The following BRINP1 variants were observed in gnomAD, a reference collection of about 807,000 sequenced individuals.
The protein encoded by BRINP1 is BMP/retinoic acid-inducible neural-specific protein 1.
In BRINP1, 17 loss-of-function variants were observed where a neutral mutation model predicts 72.9. That is an observed-to-expected ratio of 0.23 (90% CI 0.16 to 0.35). The LOEUF (loss-of-function observed/expected upper bound fraction) is 0.35, where lower values mean the gene tolerates loss of function less well. Ranked by LOEUF, BRINP1 falls within the 10% of genes least tolerant of loss-of-function variation. The pLI is 1.00. For synonymous variants in BRINP1, 418 were observed against 378.5 expected (o/e 1.10, Z -1.21); for missense variants, 850 against 1,001.6 (o/e 0.85, Z 2.04).
rs566675560 is a variant in BRINP1, at chr9:119,169,789, C to G, written c.1146-1565G>C. 3.7e-3 allele frequency among the ~76,000 whole-genome samples: 570 copies of G among 152,120 alleles called. 5 individuals are homozygous for G. Among genetic ancestry groups the G allele is most frequent in the African/African-American group, 0.013 (519 of 41,498 alleles). On this transcript the variant is annotated intron_variant, in intron 7 of 7. Transcript: ENST00000265922. Reference sequence around the variant, plus strand: ...CAGCATGCAGCTGGAGATCTGAGAACGGGCAGACTGCCTCCTCAAGTGGGT... The same window carrying G: ...CAGCATGCAGCTGGAGATCTGAGAAGGGGCAGACTGCCTCCTCAAGTGGGT...
At chr9:119,241,761 G>C (rs1262605352) in intron 4 of BRINP1, among the ~76,000 whole-genome samples, 1 of 152,180 alleles carries the variant, frequency 6.6e-6, no homozygotes, top group African/African-American at 2.4e-5. Context: ...AAGGGGATCT[G>C]ATAATCTCCA....
At chr9:119,294,637 G>A (rs1172205428) in intron 2 of BRINP1, among the ~76,000 whole-genome samples, 1 of 152,086 alleles carries the variant, frequency 6.6e-6, no homozygotes, top group Non-Finnish European at 1.5e-5. Flanking sequence ...AGGCTGAGAT[G>A]GGCAGATCAC....
chr9:119,311,919 C>G (rs1831073029), intron 2 of BRINP1, among the ~76,000 whole-genome samples: 1 of 152,160 alleles, frequency 6.6e-6, no homozygotes, highest in Admixed American at 6.5e-5. Context: ...AGCTCCACTC[C>G]TTACTGGATG....
intron 1 of BRINP1, among the ~76,000 whole-genome samples, chr9:119,367,581 C>G (rs1292511507): frequency 6.6e-6 from 1 of 152,088 alleles, no homozygotes; most frequent in African/African-American, 2.4e-5. Flanking sequence ...GCCAAGGGAC[C>G]TACCTAAAGA....
At chr9:119,332,636 T>C (rs1424132626) in intron 1 of BRINP1, among the ~76,000 whole-genome samples, 1 of 152,192 alleles carries the variant, frequency 6.6e-6, no homozygotes, top group Non-Finnish European at 1.5e-5. Flanking sequence ...CACAAGGACA[T>C]GCCTGATATT....
intron 5 of BRINP1, 46 bp from the exon 6 acceptor site, chr9:119,214,201 G>T (rs377335197): frequency 1.4e-5 from 20 of 1,438,414 alleles, no homozygotes; most frequent in African/African-American, 9.8e-5. Context: ...TTTAAAAAAA[G>T]GTGTTTCATT....
intron 7 of BRINP1, among the ~76,000 whole-genome samples, chr9:119,196,282 A>G (rs564999695): frequency 1.2e-4 from 18 of 152,264 alleles, no homozygotes; most frequent in African/African-American, 4.1e-4. Flanking sequence ...CCAGTAATCT[A>G]TGTTCAGAAA....
intron 1 of BRINP1, among the ~76,000 whole-genome samples, chr9:119,361,952 C>T (rs1172129523): frequency 4.6e-5 from 7 of 151,772 alleles, no homozygotes; most frequent in African/African-American, 7.3e-5. Flanking sequence ...TACAAGCACA[C>T]GCCACCATGC....
chr9:119,358,384 T>C lies in BRINP1; in HGVS notation c.-51+10672A>G, dbSNP rs368346663. 5.6e-3 allele frequency among the ~76,000 whole-genome samples: 586 copies of C among 104,026 alleles called. 1 individual carries two copies. Among genetic ancestry groups the C allele is most frequent in the African/African-American group, 0.019 (534 of 28,106 alleles). The allele number at this position is 104,026 out of a possible 152,430, so 68.2% of individuals were successfully genotyped here. On this transcript the variant is annotated intron_variant, in intron 1 of 7. Coordinates refer to ENST00000265922, the MANE Select transcript of BRINP1 (RefSeq NM_014618.3). ...ATTGATCTTAAAAAGAGTTTATATGTATTAAAAAAAAAAAAAAAAAAAGGA... is the reference window on the plus strand; with the variant it reads ...ATTGATCTTAAAAAGAGTTTATATGCATTAAAAAAAAAAAAAAAAAAAGGA...
intron 1 of BRINP1, among the ~76,000 whole-genome samples, chr9:119,326,547 T>C (rs1052880092): frequency 3.9e-5 from 6 of 152,218 alleles, no homozygotes; most frequent in Non-Finnish European, 7.3e-5. Context: ...TTTTTAAATA[T>C]TTCATTTGGA....
chr9:119,245,254 C>T lies in BRINP1; in HGVS notation c.410-3038G>A, dbSNP rs550844576. Among the ~76,000 whole-genome samples the T allele has an allele frequency of 3.3e-5, 5 of 152,242 alleles. No homozygotes were observed. The East Asian group carries it at 5.8e-4, about 18-fold the overall frequency. ...CATATATATGTGAATGATGTGTACA[C>T]GTGTGTGCAATGTGCATGAATACAT... On this transcript the variant is annotated intron_variant, in intron 3 of 7. Coordinates refer to ENST00000265922, the MANE Select transcript of BRINP1 (RefSeq NM_014618.3).
chr9:119,248,829 T>TATAA, intron 3 of BRINP1, 131 bp downstream of exon 3: 1 of 786,770 alleles, frequency 1.3e-6, no homozygotes, highest in East Asian at 2.7e-5. Flanking sequence ...CTTACCTGGC[T>TATAA]ATAAATGCTT....
intron 7 of BRINP1, among the ~76,000 whole-genome samples, chr9:119,181,773 A>G (rs1829560813): frequency 2.0e-5 from 3 of 152,152 alleles, no homozygotes; most frequent in African/African-American, 7.2e-5. Flanking sequence ...AAGAGCTAAC[A>G]TGAGCTTTGG....
At chr9:119,187,455 A>G (rs1413706579) in intron 7 of BRINP1, among the ~76,000 whole-genome samples, 1 of 152,002 alleles carries the variant, frequency 6.6e-6, no homozygotes, top group Non-Finnish European at 1.5e-5. Flanking sequence ...AATTTCTGAC[A>G]TTGATTACAA....
At chr9:119,247,028 T>C (rs533003261) in intron 3 of BRINP1, among the ~76,000 whole-genome samples, 3 of 152,254 alleles carry the variant, frequency 2.0e-5, no homozygotes, top group Admixed American at 6.5e-5. Context: ...ATATATTTCA[T>C]TGAGGAAGAA....
At position 119,313,252 on chromosome 9, in the gene BRINP1, G is replaced by C; in HGVS notation, c.104C>G (p.Ser35Cys). The C allele has an allele frequency of 1.2e-6, 2 of 1,614,120 alleles. No individual in the cohort carries two copies. The highest frequency in any genetic ancestry group is 1.7e-6 in the Non-Finnish European group (2 of 1,180,016). ...TGAAATGAGCCAATCAAATTCCTTG[G>C]AGACATGTTGGTCTGTCCCAGCTGG... The part of the protein sequence containing the change: ...QEPAGTDQHV[S>C]KEFDWLISDR... Residue 35 changes from serine (S) to cysteine (C), a missense_variant, in exon 2 of 8, where the codon TCC (serine) becomes TGC (cysteine). Ser to Cys is a moderately radical substitution (Grantham distance 112). Transcript: ENST00000265922.
At chr9:119,242,708 G>C (rs1588174996) in intron 3 of BRINP1, among the ~76,000 whole-genome samples, 1 of 151,890 alleles carries the variant, frequency 6.6e-6, no homozygotes, top group Non-Finnish European at 1.5e-5. Context: ...ATAGATAAAT[G>C]AACGGTGGAT....
At chr9:119,263,030 A>C (rs888869225) in intron 2 of BRINP1, among the ~76,000 whole-genome samples, 1 of 152,218 alleles carries the variant, frequency 6.6e-6, no homozygotes, top group South Asian at 2.1e-4. Context: ...TAAACTACAT[A>C]TAAGTAGAAC....
intron 2 of BRINP1, among the ~76,000 whole-genome samples, chr9:119,292,363 C>G (rs1360040861): frequency 1.3e-5 from 2 of 152,096 alleles, no homozygotes; most frequent in Non-Finnish European, 2.9e-5. Flanking sequence ...GCTATATGTA[C>G]TTTTATTATA....
Sources: gnomAD v4.1 joint callset for allele counts (sites outside exome capture counted in the v4.1 genomes callset) on GRCh38, gnomAD v4.1.1 for gene constraint, MANE v1.5 for transcripts, NCBI Gene and HGNC (gene_info 2026-07-23, HGNC 2026-07-21) for gene names.